GLRB: variants seen among roughly 807,000 people sequenced by gnomAD.
GLRB encodes glycine receptor beta, also known as glycine receptor subunit beta.
Under a neutral mutation model 54.2 loss-of-function variants are expected in GLRB, and 33 were observed. The observed-to-expected ratio is 0.61, with a 90% CI of 0.46 to 0.81. The LOEUF (loss-of-function observed/expected upper bound fraction) is 0.81. Among genes scored for constraint, GLRB ranks in the 40% least tolerant of loss-of-function variants. GLRB has a pLI of 0.00. For missense variants in GLRB, 572 were observed against 584.6 expected (o/e 0.98, Z 0.22); for synonymous variants, 209 against 208.2 (o/e 1.00, Z -0.03).
At chr4:157,123,270 T>C (rs905327171) in intron 4 of GLRB, among the ~76,000 whole-genome samples, 6 of 151,742 alleles carry the variant, frequency 4.0e-5, no homozygotes, top group Non-Finnish European at 7.4e-5. Context: ...ATTGCAAGCC[T>C]AGTAAGAATG....
chr4:157,094,921 A>G (rs1364452652), intron 2 of GLRB, among the ~76,000 whole-genome samples: 4 of 152,244 alleles, frequency 2.6e-5, no homozygotes, highest in South Asian at 4.1e-4. Flanking sequence ...ATGTTTACAG[A>G]AGCACTATCT....
intron 2 of GLRB, among the ~76,000 whole-genome samples, chr4:157,115,612 C>T (rs768762869): frequency 6.6e-6 from 1 of 151,764 alleles, no homozygotes; most frequent in Non-Finnish European, 1.5e-5. Context: ...TGATCTGTTT[C>T]CATGAAGAAT....
At chr4:157,134,640 T>C (rs1736336317) in intron 4 of GLRB, among the ~76,000 whole-genome samples, 1 of 152,132 alleles carries the variant, frequency 6.6e-6, no homozygotes, top group African/African-American at 2.4e-5. Flanking sequence ...GGAAGCCACA[T>C]TGGCAATATT....
At chr4:157,137,568 A>G (rs1169922006) in intron 6 of GLRB, among the ~76,000 whole-genome samples, 1 of 152,004 alleles carries the variant, frequency 6.6e-6, no homozygotes, top group African/African-American at 2.4e-5. Flanking sequence ...TTCAGAGAGT[A>G]AAGAATAATT....
At chr4:157,090,934 A>G (rs1207414362) in intron 2 of GLRB, among the ~76,000 whole-genome samples, 1 of 152,190 alleles carries the variant, frequency 6.6e-6, no homozygotes, top group Non-Finnish European at 1.5e-5. Flanking sequence ...GGCAACAAAT[A>G]GAGTAGTGTT....
intron 9 of GLRB, among the ~76,000 whole-genome samples, chr4:157,165,275 T>C (rs1737663888): frequency 6.6e-6 from 1 of 152,054 alleles, no homozygotes. Flanking sequence ...TAGAAATTTA[T>C]AAATTATTAT....
rs759137052 is a variant in GLRB at position 157,170,515 on chromosome 4, A to C, written c.1281A>C (p.Pro427=). Residue 427 remains proline, a synonymous_variant, in exon 10 of 10, where the codon CCA becomes CCC. Transcript: ENST00000264428. ...ACTTCAGCATTGTTGGAAGCTTACC[A>C]AGAGATTTTGAACTATCCAATTATG... ...SNDFSIVGSL[P]RDFELSNYDC... 1.2e-6 allele frequency: 2 copies of C among 1,611,484 alleles called. No homozygotes were observed. Among genetic ancestry groups the C allele is most frequent in the Non-Finnish European group, 1.7e-6 (2 of 1,177,756 alleles).
chr4:157,161,940 C>T (rs932378808), intron 9 of GLRB, among the ~76,000 whole-genome samples: 1 of 152,174 alleles, frequency 6.6e-6, no homozygotes, highest in African/African-American at 2.4e-5. Context: ...CAACTTGTTT[C>T]CATTCTCCCC....
intron 4 of GLRB, among the ~76,000 whole-genome samples, chr4:157,132,457 C>T (rs887849782): frequency 6.6e-6 from 1 of 151,396 alleles, no homozygotes; most frequent in Non-Finnish European, 1.5e-5. Context: ...TTGCCTCTGT[C>T]TTTTTTTTGC....
chr4:157,130,112 A>G (rs1347675765), intron 4 of GLRB, among the ~76,000 whole-genome samples: 2 of 151,602 alleles, frequency 1.3e-5, no homozygotes, highest in South Asian at 2.1e-4. Flanking sequence ...CTAAAACTCT[A>G]TGTTGTGAGT....
In GLRB at chr4:157,143,902, C is replaced by T. The variant is rs1199286283; in HGVS notation, c.847C>T (p.Leu283Phe). ...CGCCCCAACTCTGCTCATTGTTGTTCTCTCCTGGCTTTCCTTCTGGATCAA... is the reference window on the plus strand; with the variant it reads ...CGCCCCAACTCTGCTCATTGTTGTTTTCTCCTGGCTTTCCTTCTGGATCAA... ...VYAPTLLIVVLSWLSFWINPD... is the reference protein window; with the variant it reads ...VYAPTLLIVVFSWLSFWINPD... The change falls in exon 8 of 10, where the codon CTC becomes TTC. Residue 283 changes from leucine to phenylalanine, a missense_variant. By Grantham distance (22) the Leu-to-Phe change is conservative. Transcript: ENST00000264428. 6.2e-7 allele frequency: 1 copy of T among 1,613,898 alleles called. No homozygotes were observed. Among genetic ancestry groups the T allele is most frequent in the East Asian group, 2.2e-5 (1 of 44,878 alleles).
At position 157,136,939 on chromosome 4, in the gene GLRB, G is replaced by C. The variant is rs1454773592; in HGVS notation, c.610+53G>C. On this transcript the variant is annotated intron_variant, in intron 6 of 9. Transcript: ENST00000264428. ...TGAAAATAAAGTGTTTAAAATGTCTGGGTAATACATTCTACTGACATCTTA... is the reference window on the plus strand; with the variant it reads ...TGAAAATAAAGTGTTTAAAATGTCTCGGTAATACATTCTACTGACATCTTA... The C allele has an allele frequency of 6.6e-6, 7 of 1,055,044 alleles. No homozygotes were observed. The African/African-American group carries it at 9.3e-5, about 14-fold the overall frequency. 65.4% of individuals were successfully genotyped at this position (1,055,044 alleles called of 1,614,324 possible). A position where few individuals can be genotyped will look rare whatever the true frequency, so the allele number is the denominator to read the frequency against.
At chr4:157,084,715 A>G in intron 2 of GLRB, 1 of 456,124 alleles carries the variant, frequency 2.2e-6, no homozygotes, top group Non-Finnish European at 4.4e-6. Context: ...GTCTGTATGT[A>G]CTAAGAAGGG....
intron 8 of GLRB, among the ~76,000 whole-genome samples, chr4:157,147,199 T>A (rs922285545): frequency 6.6e-6 from 1 of 152,184 alleles, no homozygotes; most frequent in Admixed American, 6.5e-5. Context: ...CTGGTTGGAA[T>A]CACAGGGGAG....
intron 4 of GLRB, among the ~76,000 whole-genome samples, chr4:157,130,457 G>T (rs1315976036): frequency 6.6e-6 from 1 of 151,472 alleles, no homozygotes; most frequent in African/African-American, 2.4e-5. Flanking sequence ...TCTTGTTTTT[G>T]TTTTTGTTCT....
At chr4:157,099,101 G>C (rs1271256425) in intron 2 of GLRB, among the ~76,000 whole-genome samples, 1 of 152,112 alleles carries the variant, frequency 6.6e-6, no homozygotes, top group African/African-American at 2.4e-5. Flanking sequence ...ACAAAGAAGG[G>C]ACGTTTGGAA....
intron 9 of GLRB, among the ~76,000 whole-genome samples, chr4:157,161,596 G>T (rs1737492552): frequency 1.3e-5 from 2 of 152,108 alleles, no homozygotes; most frequent in Admixed American, 1.3e-4. Flanking sequence ...ATGAAGCTTA[G>T]TTTGGCTGGA....
At chr4:157,080,797 T>G (rs1363385949) in intron 2 of GLRB, among the ~76,000 whole-genome samples, 5 of 152,150 alleles carry the variant, frequency 3.3e-5, no homozygotes, top group Admixed American at 6.6e-5. Context: ...TTATACTTTT[T>G]TTTTTTTGAG....
At position 157,170,760 on chromosome 4, in the gene GLRB, C is replaced by G; in HGVS notation, c.*32C>G. On this transcript the variant is annotated 3_prime_UTR_variant, in exon 10 of 10. Transcript: ENST00000264428. ...TTTTCCATTTGTACAAAATAAAATT[C>G]CATTTCATTGTGACCTACTCCTTTC... is the stretch of plus-strand genomic sequence containing the variant. 1 of 1,271,580 alleles carries G rather than the reference C, an allele frequency of 7.9e-7. No homozygotes were observed. Among genetic ancestry groups the G allele is most frequent in the Non-Finnish European group, 1.1e-6 (1 of 925,470 alleles). The allele number at this position is 1,271,580 out of a possible 1,614,324, so 78.8% of individuals were successfully genotyped here.
Sources: allele counts gnomAD v4.1 joint callset (sites outside exome capture counted in the v4.1 genomes callset), GRCh38; gene constraint gnomAD v4.1.1; transcripts MANE v1.5; gene names NCBI Gene and HGNC (gene_info 2026-07-23, HGNC 2026-07-21).